Variants in ITGB5 observed in about 807,000 individuals in gnomAD.
ITGB5 encodes the protein integrin subunit beta 5.
ITGB5 carries 38 observed loss-of-function variants against 84.8 expected under a neutral mutation model. The ratio of observed to expected loss-of-function variants is 0.45; its 90% CI spans 0.35 to 0.59. The LOEUF (loss-of-function observed/expected upper bound fraction) is 0.59. Among genes scored for constraint, ITGB5 ranks in the 20% least tolerant of loss-of-function variants. The pLI is 0.01. For missense variants in ITGB5, 905 were observed against 1,034.5 expected (o/e 0.87, Z 1.72); for synonymous variants, 393 against 414.4 (o/e 0.95, Z 0.63).
At chr3:124,852,040 T>C (rs1209200171) in intron 3 of ITGB5, among the ~76,000 whole-genome samples, 4 of 152,218 alleles carry the variant, frequency 2.6e-5, no homozygotes, top group African/African-American at 7.2e-5. Flanking sequence ...TCCAGAACCA[T>C]GCACGCTTAA....
chr3:124,764,023 T>C (rs1415572834), intron 14 of ITGB5, among the ~76,000 whole-genome samples: 1 of 152,230 alleles, frequency 6.6e-6, no homozygotes, highest in Non-Finnish European at 1.5e-5. Flanking sequence ...CTCAGTCCTC[T>C]GGGCATTTGC....
At chr3:124,793,339 C>T (rs1274683963) in intron 10 of ITGB5, among the ~76,000 whole-genome samples, 5 of 152,164 alleles carry the variant, frequency 3.3e-5, no homozygotes, top group East Asian at 1.9e-4. Context: ...GGTTCTGTCA[C>T]GTTTGCTAAT....
At chr3:124,785,617 G>A (rs1452318201) in intron 10 of ITGB5, among the ~76,000 whole-genome samples, 2 of 151,098 alleles carry the variant, frequency 1.3e-5, no homozygotes, top group African/African-American at 4.9e-5. Flanking sequence ...AAAAACAAAG[G>A]TGCACTTGTA....
intron 8 of ITGB5, among the ~76,000 whole-genome samples, chr3:124,814,713 C>A (rs892324362): frequency 6.6e-6 from 1 of 152,076 alleles, no homozygotes; most frequent in Non-Finnish European, 1.5e-5. Context: ...CCCAAAGCAC[C>A]GGAATTACAG....
At chr3:124,857,087 T>C (rs1053472974) in intron 3 of ITGB5, 1 of 152,376 alleles carries the variant, frequency 6.6e-6, no homozygotes, top group Admixed American at 6.5e-5. Flanking sequence ...ACTCTTCTTT[T>C]GTTTCTTATT....
chr3:124,780,074 G>C (rs1040989213), intron 10 of ITGB5, among the ~76,000 whole-genome samples: 1 of 152,182 alleles, frequency 6.6e-6, no homozygotes, highest in African/African-American at 2.4e-5. Flanking sequence ...TGCCAGAGCA[G>C]GGCACAGTGG....
At chr3:124,821,001 C>G (rs571631348) in intron 6 of ITGB5, among the ~76,000 whole-genome samples, 1 of 152,200 alleles carries the variant, frequency 6.6e-6, no homozygotes, top group Admixed American at 6.5e-5. Context: ...TTTAAGACAC[C>G]CTCCCCACTA....
intron 3 of ITGB5, among the ~76,000 whole-genome samples, chr3:124,851,546 T>C (rs73860427): frequency 0.021 from 3,217 of 152,020 alleles, 110 homozygotes; most frequent in African/African-American, 0.069. Flanking sequence ...CCTAAGAGGC[T>C]ATCTATTCTG....
At chr3:124,881,647 C>T (rs767524320) in intron 1 of ITGB5, among the ~76,000 whole-genome samples, 4 of 152,050 alleles carry the variant, frequency 2.6e-5, no homozygotes, top group Non-Finnish European at 5.9e-5. Flanking sequence ...GGGAGTAGAC[C>T]AAATGGCCTC....
chr3:124,809,452 C>A (rs946477287), intron 8 of ITGB5: 73 of 286,452 alleles, frequency 2.5e-4, no homozygotes, highest in Middle Eastern at 2.2e-3. Flanking sequence ...CCATCCCCTG[C>A]TTGCTTCTCC....
chr3:124,822,088 T>C (rs1215203530), intron 5 of ITGB5, among the ~76,000 whole-genome samples: 2 of 152,194 alleles, frequency 1.3e-5, no homozygotes, highest in African/African-American at 2.4e-5. Flanking sequence ...TCAGATCCCT[T>C]TTCTCCCTTT....
intron 3 of ITGB5, among the ~76,000 whole-genome samples, chr3:124,850,133 G>T (rs1432173270): frequency 6.6e-6 from 1 of 151,846 alleles, no homozygotes; most frequent in Admixed American, 6.6e-5. Flanking sequence ...TCTTTAACTT[G>T]CAGGGAACTC....
intron 4 of ITGB5, 85 bp from the exon 5 acceptor site, chr3:124,841,636 G>T: frequency 7.5e-7 from 1 of 1,325,578 alleles, no homozygotes; most frequent in Non-Finnish European, 1.1e-6. Flanking sequence ...TGAGTGCCTT[G>T]AGAGGCACCA....
intron 5 of ITGB5, among the ~76,000 whole-genome samples, chr3:124,836,004 C>A (rs1203790514): frequency 2.6e-5 from 4 of 152,112 alleles, no homozygotes; most frequent in South Asian, 2.1e-4. Flanking sequence ...AAGTCCTCTG[C>A]GAGAAGTGGC....
At chr3:124,884,221 A>G (rs1367646770) in intron 1 of ITGB5, among the ~76,000 whole-genome samples, 3 of 49,260 alleles carry the variant, frequency 6.1e-5, no homozygotes, top group African/African-American at 2.5e-4. Context: ...CAAAAAAAAA[A>G]AAGAAAAAAA....
At chr3:124,772,950 G>A (rs1415366709) in intron 11 of ITGB5, among the ~76,000 whole-genome samples, 2 of 105,234 alleles carry the variant, frequency 1.9e-5, no homozygotes, top group African/African-American at 3.7e-5. Context: ...GTCTCACTTT[G>A]TTGCCCAGGC....
At position 124,809,048 on chromosome 3, in the gene ITGB5, AC is replaced by A. The variant is rs1450008644; in HGVS notation, c.1236del (p.Lys412AsnfsTer5). On this transcript the variant is annotated frameshift_variant, in exon 9 of 15. Transcript: ENST00000296181. LOFTEE classifies it high-confidence loss of function. ...QDGVSYPGQR[K>X]CEGLKIGDTA... ...GTGTCCCCAATCTTCAGACCCTCAC[AC>A]TTCCTCTGACCAGGATAGGATACCC... 1 of 1,614,150 alleles carries A rather than the reference AC, an allele frequency of 6.2e-7. No homozygotes were observed.
At chr3:124,764,866 C>T (rs1403628816) in intron 13 of ITGB5, among the ~76,000 whole-genome samples, 2 of 152,230 alleles carry the variant, frequency 1.3e-5, no homozygotes, top group African/African-American at 4.8e-5. Context: ...GATGCTGGAC[C>T]CGCTCAGCTT....
intron 4 of ITGB5, among the ~76,000 whole-genome samples, chr3:124,847,187 C>T (rs1386803804): frequency 1.3e-5 from 2 of 152,164 alleles, no homozygotes; most frequent in East Asian, 1.9e-4. Context: ...TATTTCCTAT[C>T]TCATGACTAG....
Sources: allele counts gnomAD v4.1 joint callset (sites outside exome capture counted in the v4.1 genomes callset), GRCh38; gene constraint gnomAD v4.1.1; transcripts MANE v1.5; gene names NCBI Gene and HGNC (gene_info 2026-07-23, HGNC 2026-07-21).